The following TUT4 variants were observed in gnomAD, a reference collection of about 807,000 sequenced individuals.
TUT4 encodes the protein terminal uridylyl transferase 4.
A neutral mutation model predicts 192.2 loss-of-function variants in TUT4; 36 were observed. The observed-to-expected ratio is 0.19, with a 90% CI of 0.14 to 0.25. The LOEUF is 0.25. TUT4 is among the 10% of genes least tolerant of loss of function. The pLI is 1.00. For synonymous variants in TUT4, 618 were observed against 666.0 expected (o/e 0.93, Z 1.11); for missense variants, 1,493 against 1,957.2 (o/e 0.76, Z 4.47).
intron 4 of TUT4, among the ~76,000 whole-genome samples, chr1:52,503,098 G>C (rs1388204048): frequency 6.6e-6 from 1 of 152,096 alleles, no homozygotes; most frequent in Admixed American, 6.5e-5. Context: ...AGAATACTGA[G>C]GCTTACAGAT....
At chr1:52,511,226 G>A (rs1207562134) in intron 3 of TUT4, among the ~76,000 whole-genome samples, 1 of 152,104 alleles carries the variant, frequency 6.6e-6, no homozygotes, top group East Asian at 1.9e-4. Context: ...TTTGCCCAAG[G>A]CAACAAGTAA....
Position 52,425,352 on chromosome 1 carries a change from G to T in TUT4, c.4867C>A (p.Gln1623Lys). Reference sequence around the variant, plus strand: ...ACTAATTTGTAAGCAGTGGTACCTTGAGTATAGAAAGGTTTGTTGGGCTGG... The same window carrying T: ...ACTAATTTGTAAGCAGTGGTACCTTTAGTATAGAAAGGTTTGTTGGGCTGG... The part of the protein sequence containing the change: ...RFQPNKPFYT[Q>K]DRCATRRCRE... Residue 1623 changes from glutamine (Q) to lysine (K), a missense_variant, in exon 29 of 30, where the codon CAA (glutamine) becomes AAA (lysine). This residue lies in a region of TUT4 where 351 missense variants were observed against 397.8 expected (regional missense o/e 0.88). Transcript: ENST00000257177. 3.1e-6 allele frequency: 5 copies of T among 1,613,398 alleles called. No homozygotes were observed. Among genetic ancestry groups the T allele is most frequent in the Non-Finnish European group, 3.4e-6 (4 of 1,179,604 alleles).
intron 20 of TUT4, 26 bp downstream of exon 20, chr1:52,458,310 C>A: frequency 6.4e-7 from 1 of 1,569,940 alleles, no homozygotes. Context: ...AAAAAAAACT[C>A]CTTTATAGTT....
intron 26 of TUT4, 135 bp downstream of exon 26, chr1:52,436,618 TTA>T: frequency 7.3e-7 from 1 of 1,369,102 alleles, no homozygotes; most frequent in South Asian, 1.4e-5. Flanking sequence ...TGTCTAAATT[TTA>T]TCTCTTTAAG....
chr1:52,491,663 A>G (rs1220995234), intron 7 of TUT4, among the ~76,000 whole-genome samples: 1 of 152,184 alleles, frequency 6.6e-6, no homozygotes, highest in Non-Finnish European at 1.5e-5. Flanking sequence ...TTCCCACTTC[A>G]GCCTGAGCGA....
intron 15 of TUT4, among the ~76,000 whole-genome samples, chr1:52,467,651 T>C (rs1318989653): frequency 6.6e-6 from 1 of 152,156 alleles, no homozygotes; most frequent in Admixed American, 6.6e-5. Context: ...CAAAATAAAA[T>C]TCAAAGGCTT....
intron 1 of TUT4, among the ~76,000 whole-genome samples, chr1:52,548,362 T>C (rs1166608040): frequency 1.3e-5 from 2 of 152,322 alleles, no homozygotes; most frequent in Non-Finnish European, 2.9e-5. Context: ...TTCTCTATAA[T>C]TCATACTTTG....
intron 1 of TUT4, among the ~76,000 whole-genome samples, chr1:52,548,114 G>A (rs1688542403): frequency 6.6e-6 from 1 of 152,082 alleles, no homozygotes; most frequent in Non-Finnish European, 1.5e-5. Context: ...TAAGGGAAAA[G>A]TCAAATTGTG....
In TUT4 at chr1:52,436,767, T is replaced by G; in HGVS notation, c.4150A>C (p.Ser1384Arg). The G allele has an allele frequency of 6.2e-7, 1 of 1,613,544 alleles. No homozygotes were observed. Among genetic ancestry groups the G allele is most frequent in the Non-Finnish European group, 8.5e-7 (1 of 1,180,034 alleles). ...PEVKLARQRN[S>R]SVAAAQLVRN... Reference sequence around the variant, plus strand: ...CTTTTCTATTTACCTGCCACACTGCTATTCCTCTGACGGGCCAGCTTGACC... The same window carrying G: ...CTTTTCTATTTACCTGCCACACTGCGATTCCTCTGACGGGCCAGCTTGACC... Residue 1384 changes from serine (S) to arginine (R), a missense_variant, in exon 26 of 30, where the codon AGC (serine) becomes CGC (arginine). Physicochemically the swap from Ser to Arg is moderately radical, Grantham distance 110. Around this residue, in one of 7 missense-constraint regions of TUT4, gnomAD observed 351 missense variants for 397.8 expected, o/e 0.88. Transcript: ENST00000257177.
At chr1:52,438,452 A>G (rs371651341) in intron 24 of TUT4, 117 bp from the exon 25 acceptor site, 4 of 666,856 alleles carry the variant, frequency 6.0e-6, no homozygotes, top group African/African-American at 5.5e-5. Flanking sequence ...ACAGCAACAA[A>G]TATTTCACTG....
rs180953579 is a variant in TUT4, at chr1:52,453,201, G to A, written c.3435+5135C>T. On this transcript the variant is annotated intron_variant, in intron 20 of 29. Coordinates refer to ENST00000257177, the MANE Select transcript of TUT4 (RefSeq NM_001009881.3). ...GGAGTTCGAGACTAGCCTGCGTGGT[G>A]AAACCCCGTCTCTACTAAAAATACA... Among the ~76,000 whole-genome samples the A allele has an allele frequency of 2.0e-5, 3 of 152,136 alleles. No individual in the cohort carries two copies. In the East Asian group the frequency reaches 5.8e-4, roughly 29 times the overall value.
chr1:52,427,362 T>C (rs963212068), intron 28 of TUT4, among the ~76,000 whole-genome samples: 1 of 151,924 alleles, frequency 6.6e-6, no homozygotes, highest in Admixed American at 6.6e-5. Context: ...AGGAACAACT[T>C]AGATAAGCAA....
intron 3 of TUT4, chr1:52,515,060 G>A (rs1468042020): frequency 2.6e-5 from 4 of 152,234 alleles, no homozygotes; most frequent in Non-Finnish European, 5.9e-5. Flanking sequence ...TTACAGGCGT[G>A]AGCCACTGGG....
intron 4 of TUT4, among the ~76,000 whole-genome samples, chr1:52,500,490 C>T (rs1673784421): frequency 6.6e-6 from 1 of 151,856 alleles, no homozygotes; most frequent in African/African-American, 2.4e-5. Flanking sequence ...AGGCCAGGCA[C>T]GGTGGCTCAC....
At chr1:52,433,485 AG>A (rs939374541) in intron 27 of TUT4, 4 of 152,224 alleles carry the variant, frequency 2.6e-5, no homozygotes, top group Non-Finnish European at 5.9e-5. Flanking sequence ...AAAACACAGG[AG>A]GAAGAGGCAA....
chr1:52,458,982 G>T (rs1286661184), intron 19 of TUT4, among the ~76,000 whole-genome samples: 2 of 151,856 alleles, frequency 1.3e-5, no homozygotes, highest in Non-Finnish European at 2.9e-5. Context: ...AATAATTAAC[G>T]ACTATTCACA....
chr1:52,518,467 C>T (rs1400982193), intron 2 of TUT4, among the ~76,000 whole-genome samples: 2 of 152,174 alleles, frequency 1.3e-5, no homozygotes, highest in African/African-American at 4.8e-5. Flanking sequence ...CAGAGGTTCT[C>T]TCTTCTCCTT....
At chr1:52,545,702 T>C (rs1687886053) in intron 1 of TUT4, among the ~76,000 whole-genome samples, 1 of 151,930 alleles carries the variant, frequency 6.6e-6, no homozygotes, top group Non-Finnish European at 1.5e-5. Flanking sequence ...GGCAAGGCTG[T>C]GGAAATATCA....
intron 4 of TUT4, among the ~76,000 whole-genome samples, chr1:52,508,212 A>G (rs750071167): frequency 1.3e-5 from 2 of 151,770 alleles, no homozygotes; most frequent in Non-Finnish European, 2.9e-5. Flanking sequence ...CTGTAATCCT[A>G]GCTACCTGGG....
Sources: gnomAD v4.1 joint callset for allele counts (sites outside exome capture counted in the v4.1 genomes callset) on GRCh38, gnomAD v4.1.1 for gene constraint, gnomAD v4.1.1 regional missense constraint, MANE v1.5 for transcripts, NCBI Gene and HGNC (gene_info 2026-07-23, HGNC 2026-07-21) for gene names.